The following VPS53 variants were observed in gnomAD, a reference collection of about 807,000 sequenced individuals.
VPS53 encodes VPS53 subunit of GARP complex.
A neutral mutation model predicts 107.0 loss-of-function variants in VPS53; 70 were observed. The ratio of observed to expected loss-of-function variants is 0.65; its 90% CI spans 0.54 to 0.80. The LOEUF is 0.80. Ranked by LOEUF, VPS53 falls within the 30% of genes least tolerant of loss-of-function variation. The probability of loss-of-function intolerance (pLI) is 0.00; values close to 1 mark genes in which losing one functional copy is unlikely to be tolerated. For missense variants in VPS53, 917 were observed against 1,049.4 expected (o/e 0.87, Z 1.74); for synonymous variants, 409 against 393.3 (o/e 1.04, Z -0.47).
At chr17:567,545 G>T (rs1226232795) in intron 13 of VPS53, among the ~76,000 whole-genome samples, 1 of 151,170 alleles carries the variant, frequency 6.6e-6, no homozygotes, top group Non-Finnish European at 1.5e-5. Context: ...TTGTCACCCA[G>T]GACAAAGTGC....
At chr17:540,942 G>C (rs1910588028) in intron 17 of VPS53, among the ~76,000 whole-genome samples, 1 of 152,178 alleles carries the variant, frequency 6.6e-6, no homozygotes, top group Non-Finnish European at 1.5e-5. Context: ...ACTTTGACCA[G>C]AGAACAGCGC....
chr17:713,183 C>T lies in VPS53; in HGVS notation c.87+1440G>A, dbSNP rs1444278890. Among the ~76,000 whole-genome samples the T allele has an allele frequency of 3.3e-5, 5 of 151,536 alleles. No individual in the cohort carries two copies. In the East Asian group the frequency reaches 9.7e-4, roughly 29 times the overall value. On this transcript the variant is annotated intron_variant, in intron 1 of 21. Transcript: ENST00000437048. ...TGCCACTGTACTCCAGCCTGGACAA[C>T]AGAGCAAGACCCTATCTCAAAAAAA... is the stretch of plus-strand genomic sequence containing the variant.
intron 2 of VPS53, among the ~76,000 whole-genome samples, chr17:699,975 A>AT (rs1467623615): frequency 6.6e-6 from 1 of 152,158 alleles, no homozygotes; most frequent in African/African-American, 2.4e-5. Flanking sequence ...CCTTCTGAAG[A>AT]TTTTTTTAAA....
At chr17:549,262 G>T (rs1911588581) in intron 17 of VPS53, among the ~76,000 whole-genome samples, 1 of 152,198 alleles carries the variant, frequency 6.6e-6, no homozygotes, top group Admixed American at 6.5e-5. Context: ...CAGGCATCAA[G>T]AACACAGAAT....
chr17:557,699 C>G (rs922890605), intron 15 of VPS53, among the ~76,000 whole-genome samples: 1 of 151,962 alleles, frequency 6.6e-6, no homozygotes, highest in Non-Finnish European at 1.5e-5. Flanking sequence ...TCAATAAAAA[C>G]AATTTTCACT....
intron 19 of VPS53, among the ~76,000 whole-genome samples, chr17:531,532 T>C (rs1426433859): frequency 6.6e-6 from 1 of 152,100 alleles, no homozygotes; most frequent in Non-Finnish European, 1.5e-5. Flanking sequence ...GCAGATGGTG[T>C]CTTACTCTGT....
At chr17:549,195 T>A (rs1434281288) in intron 17 of VPS53, among the ~76,000 whole-genome samples, 1 of 152,160 alleles carries the variant, frequency 6.6e-6, no homozygotes, top group Non-Finnish European at 1.5e-5. Flanking sequence ...GAGACAGAAA[T>A]AACCATTATC....
In VPS53 at chr17:524,848, G is replaced by C. The variant is rs1567597643; in HGVS notation, c.2086-3110C>G. On this transcript the variant is annotated intron_variant, in intron 19 of 21. Coordinates refer to ENST00000437048, the MANE Select transcript of VPS53 (RefSeq NM_001128159.3). The surrounding 1 kb of genome is among the most constrained non-coding windows in gnomAD (Gnocchi z 4.5). ...CGGCCACACTGAAATTCAGACTAGT[G>C]GTGACAGTAGAAGTTAGTTCAAGCA... Among the ~76,000 whole-genome samples the C allele has an allele frequency of 6.6e-6, 1 of 152,186 alleles. No individual in the cohort carries two copies. The highest frequency in any genetic ancestry group is 1.5e-5 in the Non-Finnish European group (1 of 68,038).
intron 14 of VPS53, 132 bp from the exon 15 acceptor site, chr17:560,705 A>G: frequency 8.7e-6 from 9 of 1,036,688 alleles, no homozygotes; most frequent in Non-Finnish European, 1.2e-5. Flanking sequence ...TTCACATACA[A>G]TGAGTCCTTT....
chr17:564,369 T>C (rs1013613328), intron 13 of VPS53, among the ~76,000 whole-genome samples: 1 of 151,646 alleles, frequency 6.6e-6, no homozygotes, highest in African/African-American at 2.4e-5. Context: ...ACCCCGTCTC[T>C]ACTAAAAATA....
At chr17:653,540 A>G in intron 6 of VPS53, 130 bp from the exon 7 acceptor site, 3 of 1,396,046 alleles carry the variant, frequency 2.1e-6, no homozygotes, top group Non-Finnish European at 2.9e-6. Flanking sequence ...AGCACTGAGT[A>G]TATAAGCTGC....
intron 5 of VPS53, among the ~76,000 whole-genome samples, chr17:661,392 G>T (rs1345338754): frequency 6.6e-6 from 1 of 151,536 alleles, no homozygotes; most frequent in Non-Finnish European, 1.5e-5. Flanking sequence ...GTGGTGGCAG[G>T]CGCCTGTAAT....
intron 12 of VPS53, among the ~76,000 whole-genome samples, chr17:586,567 G>A (rs970518648): frequency 5.3e-5 from 8 of 152,194 alleles, no homozygotes; most frequent in African/African-American, 9.6e-5. Flanking sequence ...TGCTCTGGAC[G>A]ATGAAAGACA....
intron 19 of VPS53, chr17:523,367 G>A: frequency 6.6e-6 from 1 of 152,362 alleles, no homozygotes; most frequent in Non-Finnish European, 1.5e-5. Context: ...TTATATTCAG[G>A]GCAAGGCCTG....
At chr17:532,689 A>T in intron 19 of VPS53, 153 bp downstream of exon 19, 1 of 1,417,562 alleles carries the variant, frequency 7.1e-7, no homozygotes, top group East Asian at 2.5e-5. Context: ...TGGAAGAACG[A>T]ATTAAGAAAC....
intron 13 of VPS53, among the ~76,000 whole-genome samples, chr17:582,948 C>CT (rs1268253387): frequency 6.7e-6 from 1 of 150,272 alleles, no homozygotes; most frequent in Non-Finnish European, 1.5e-5. Context: ...TCCAGAGAAC[C>CT]TCCCTTAGAA....
chr17:606,837 G>A lies in VPS53; in HGVS notation c.1117-4941C>T, dbSNP rs1199861160. The stretch of plus-strand genomic sequence containing the variant: ...ATCTGAGGTAGAACAGTTTCATCTC[G>A]AAACCATCCCCTACCCCCATCCCCT... On this transcript the variant is annotated intron_variant, in intron 11 of 21. Transcript: ENST00000437048. Among the ~76,000 whole-genome samples, 4 of 151,970 alleles carry A rather than the reference G, an allele frequency of 2.6e-5. No individual in the cohort carries two copies. The East Asian group carries it at 5.8e-4, about 22-fold the overall frequency.
intron 13 of VPS53, among the ~76,000 whole-genome samples, chr17:576,232 T>G (rs1914598383): frequency 6.6e-6 from 1 of 150,732 alleles, no homozygotes; most frequent in Middle Eastern, 3.3e-3. Flanking sequence ...TCTCAGAACC[T>G]AATGTGTTCC....
At chr17:656,859 C>G (rs369996955) in intron 5 of VPS53, 3 of 1,590,620 alleles carry the variant, frequency 1.9e-6, no homozygotes, top group African/African-American at 1.3e-5. Context: ...AGGCGGATAC[C>G]CTTTCCTCGG....
Sources: allele counts gnomAD v4.1 joint callset (sites outside exome capture counted in the v4.1 genomes callset), GRCh38; gene constraint gnomAD v4.1.1; non-coding constraint Gnocchi (gnomAD v3.1); transcripts MANE v1.5; gene names NCBI Gene and HGNC (gene_info 2026-07-23, HGNC 2026-07-21).